The following ATR variants were observed in gnomAD, a reference collection of about 807,000 sequenced individuals.
ATR encodes serine/threonine-protein kinase ATR.
Under a neutral mutation model 305.3 loss-of-function variants are expected in ATR, and 142 were observed. The observed-to-expected ratio is 0.47, with a 90% CI of 0.41 to 0.53. The LOEUF is 0.53. ATR is among the 20% of genes least tolerant of loss of function. ATR has a pLI of 0.00. For synonymous variants in ATR, 1,050 were observed against 1,068.1 expected (o/e 0.98, Z 0.33); for missense variants, 2,135 against 3,133.1 (o/e 0.68, Z 7.60).
At chr3:142,462,805 A>G (rs1347984238) in intron 41 of ATR, among the ~76,000 whole-genome samples, 1 of 152,200 alleles carries the variant, frequency 6.6e-6, no homozygotes, top group Admixed American at 6.5e-5. Context: ...ACAAAAGAGC[A>G]TGAGTTCTAT....
At chr3:142,543,396 A>G (rs891695628) in intron 16 of ATR, among the ~76,000 whole-genome samples, 32 of 82,736 alleles carry the variant, frequency 3.9e-4, no homozygotes, top group East Asian at 1.4e-3. Flanking sequence ...CCCTCCGTCC[A>G]TCCCTTCTTC....
Position 142,556,274 on chromosome 3 carries a change from C to T in ATR, c.2078+109G>A, listed in dbSNP as rs971687329. 4 of 1,485,920 alleles carry T rather than the reference C, an allele frequency of 2.7e-6. No individual in the cohort carries two copies. The African/African-American group carries it at 5.7e-5, about 21-fold the overall frequency. The allele number at this position is 1,485,920 out of a possible 1,614,324, so 92.0% of individuals were successfully genotyped here. ...AAATGTTAAATTCTAAAACTAAAAG[C>T]AACATTTGCTTTACATATTCAACAA... On this transcript the variant is annotated intron_variant, in intron 9 of 46. Coordinates refer to ENST00000350721, the MANE Select transcript of ATR (RefSeq NM_001184.4).
intron 1 of ATR, 99 bp downstream of exon 1, chr3:142,578,547 G>A (rs2035515472): frequency 1.5e-6 from 2 of 1,356,852 alleles, no homozygotes; most frequent in Non-Finnish European, 2.0e-6. Context: ...GGGGCTTAGG[G>A]GATCCCAGCC....
intron 25 of ATR, 70 bp from the exon 26 acceptor site, chr3:142,513,708 G>T: frequency 1.4e-6 from 2 of 1,458,756 alleles, no homozygotes; most frequent in Non-Finnish European, 1.9e-6. Flanking sequence ...AGTAGCATGT[G>T]AGATAATTTA....
chr3:142,465,329 A>C, intron 40 of ATR, 89 bp from the exon 41 acceptor site: 1 of 1,028,542 alleles, frequency 9.7e-7, no homozygotes, highest in Non-Finnish European at 1.4e-6. Flanking sequence ...TGTAAAAAAA[A>C]AAAAAGAATA....
intron 40 of ATR, 94 bp from the exon 41 acceptor site, chr3:142,465,334 A>G (rs1559910100): frequency 3.2e-6 from 3 of 928,932 alleles, no homozygotes; most frequent in Non-Finnish European, 3.2e-6. Flanking sequence ...AAAAAAAAAA[A>G]GAATATTACC....
chr3:142,575,818 A>G (rs560136374), intron 1 of ATR, among the ~76,000 whole-genome samples: 53 of 152,372 alleles, frequency 3.5e-4, no homozygotes, highest in African/African-American at 1.2e-3. Flanking sequence ...GGTCAGTATC[A>G]CTAGAGTAAA....
intron 3 of ATR, among the ~76,000 whole-genome samples, chr3:142,565,365 C>CA (rs1217792490): frequency 6.6e-6 from 1 of 151,488 alleles, no homozygotes; most frequent in Non-Finnish European, 1.5e-5. Context: ...ATCCATTATA[C>CA]AAAAAAAATG....
chr3:142,549,794 TA>T, intron 14 of ATR, 121 bp from the exon 15 acceptor site: 1 of 859,186 alleles, frequency 1.2e-6, no homozygotes, highest in South Asian at 1.6e-5. Flanking sequence ...CTCCATACTA[TA>T]AAATATGTAA....
chr3:142,500,098 G>A (rs2031875007), intron 30 of ATR: 1 of 188,958 alleles, frequency 5.3e-6, no homozygotes, highest in Non-Finnish European at 1.1e-5. Context: ...CATAAATTCA[G>A]AGGTAAGCAA....
At chr3:142,526,443 C>A (rs968508563) in intron 21 of ATR, among the ~76,000 whole-genome samples, 1 of 151,880 alleles carries the variant, frequency 6.6e-6, no homozygotes, top group African/African-American at 2.4e-5. Context: ...CTAAATAGTG[C>A]AGATAATAGG....
chr3:142,474,905 A>T (rs556734499), intron 36 of ATR, among the ~76,000 whole-genome samples: 2 of 150,590 alleles, frequency 1.3e-5, no homozygotes, highest in East Asian at 2.0e-4. Flanking sequence ...TTCTATACAT[A>T]TTTTTTTTTT....
chr3:142,553,355 A>G lies in ATR; in HGVS notation c.2677T>C (p.Leu893=), dbSNP rs1481760306. The change falls in exon 13 of 47, where the codon TTG becomes CTG. Residue 893 remains leucine, a synonymous_variant. Coordinates refer to ENST00000350721, the MANE Select transcript of ATR (RefSeq NM_001184.4). ...DLVPFALLHL[L]HCLLSKSASV... The stretch of plus-strand genomic sequence containing the variant: ...GCTGACTTGGATAACAAACAATGCA[A>G]TAAGTGTAAGAGTGCAAATGGTACC... 1.9e-6 allele frequency: 3 copies of G among 1,614,042 alleles called. No individual in the cohort carries two copies. Among genetic ancestry groups the G allele is most frequent in the Admixed American group, 1.7e-5 (1 of 59,994 alleles).
At chr3:142,572,430 T>C (rs191393229) in intron 1 of ATR, among the ~76,000 whole-genome samples, 12 of 138,928 alleles carry the variant, frequency 8.6e-5, no homozygotes, top group Non-Finnish European at 1.4e-4. Context: ...CCAATCCTAA[T>C]TGATTACATA....
chr3:142,512,490 TTAATAA>T lies in ATR; in HGVS notation c.4642-26_4642-21del, dbSNP rs780692509. ...ATAAACCTATGAGAATCATTTATAA[TTAATAA>T]TAATATCTATATAATACCATTTAAC... On this transcript the variant is annotated intron_variant, in intron 26 of 46. Transcript: ENST00000350721. The T allele has an allele frequency of 6.5e-7, 1 of 1,527,034 alleles. No homozygotes were observed. The highest frequency in any genetic ancestry group is 1.2e-5 in the South Asian group (1 of 85,880). 94.6% of individuals were successfully genotyped at this position (1,527,034 alleles called of 1,614,324 possible).
At chr3:142,560,209 A>G in intron 6 of ATR, 54 bp downstream of exon 6, 1 of 1,537,680 alleles carries the variant, frequency 6.5e-7, no homozygotes, top group East Asian at 2.3e-5. Context: ...GTAAACAGTA[A>G]ATCCAAGTTC....
intron 17 of ATR, 117 bp downstream of exon 17, chr3:142,542,548 C>A: frequency 1.0e-6 from 1 of 958,732 alleles, no homozygotes; most frequent in Non-Finnish European, 1.6e-6. Context: ...AGTTCTTCAG[C>A]AATAGAGAAT....
At chr3:142,528,877 A>ATTT (rs201313146) in intron 21 of ATR, among the ~76,000 whole-genome samples, 159 of 47,610 alleles carry the variant, frequency 3.3e-3, no homozygotes, top group Non-Finnish European at 3.9e-3. Flanking sequence ...ATATATATAT[A>ATTT]TATTTTTTTT....
chr3:142,556,724 T>A, intron 8 of ATR, 149 bp from the exon 9 acceptor site: 1 of 771,302 alleles, frequency 1.3e-6, no homozygotes. Context: ...ATACCTAATT[T>A]AATTAAAAGC....
Sources: gnomAD v4.1 joint callset for allele counts (sites outside exome capture counted in the v4.1 genomes callset) on GRCh38, gnomAD v4.1.1 for gene constraint, MANE v1.5 for transcripts, NCBI Gene and HGNC (gene_info 2026-07-23, HGNC 2026-07-21) for gene names.